DOCK2: variants seen among roughly 807,000 people sequenced by gnomAD.
DOCK2 encodes the protein dedicator of cytokinesis 2.
In DOCK2, 87 loss-of-function variants were observed where a neutral mutation model predicts 248.9. That is an observed-to-expected ratio of 0.35 (90% confidence interval 0.29 to 0.42). The LOEUF is 0.42. Ranked by LOEUF, DOCK2 falls within the 10% of genes least tolerant of loss-of-function variation. The pLI is 1.00. For synonymous variants in DOCK2, 805 were observed against 821.6 expected (o/e 0.98, Z 0.35); for missense variants, 1,747 against 2,300.2 (o/e 0.76, Z 4.92).
intron 30 of DOCK2, among the ~76,000 whole-genome samples, chr5:169,996,739 G>A (rs1754650111): frequency 6.6e-6 from 1 of 152,194 alleles, no homozygotes; most frequent in African/African-American, 2.4e-5. Flanking sequence ...GCCTGGAGAT[G>A]TGCGAGGGAA....
At chr5:169,774,849 A>G (rs1458855717) in intron 25 of DOCK2, among the ~76,000 whole-genome samples, 1 of 152,112 alleles carries the variant, frequency 6.6e-6, no homozygotes, top group African/African-American at 2.4e-5. Flanking sequence ...CCTCCCTAAA[A>G]CACAGTGCCA....
intron 25 of DOCK2, among the ~76,000 whole-genome samples, chr5:169,800,932 T>TTTTC (rs759411682): frequency 0.025 from 3,159 of 124,454 alleles, 204 homozygotes; most frequent in African/African-American, 0.055. Flanking sequence ...TTCTTTTTTC[T>TTTTC]TTTCTTTCTT....
At chr5:169,868,439 A>G (rs979934249) in intron 27 of DOCK2, among the ~76,000 whole-genome samples, 1 of 152,208 alleles carries the variant, frequency 6.6e-6, no homozygotes, top group Non-Finnish European at 1.5e-5. Context: ...GAGTTTGACA[A>G]GATTTACAAG....
At chr5:169,864,592 G>T in intron 27 of DOCK2, 1 of 706,234 alleles carries the variant, frequency 1.4e-6, no homozygotes, top group Non-Finnish European at 2.3e-6. Context: ...GTACCTACTG[G>T]CTCTTTGACC....
At chr5:169,791,912 C>T (rs1279314762) in intron 25 of DOCK2, among the ~76,000 whole-genome samples, 5 of 152,028 alleles carry the variant, frequency 3.3e-5, no homozygotes, top group Non-Finnish European at 7.4e-5. Flanking sequence ...AATTTCTGTC[C>T]CTTTAAAAAA....
Position 169,657,294 on chromosome 5 carries a change from G to GA in DOCK2, c.127+2817dup, listed in dbSNP as rs558197180. Among the ~76,000 whole-genome samples the GA allele has an allele frequency of 6.7e-5, 10 of 149,928 alleles. No homozygotes were observed. In the South Asian group the frequency reaches 8.4e-4, roughly 13 times the overall value. On this transcript the variant is annotated intron_variant, in intron 2 of 51. Coordinates refer to ENST00000520908, the MANE Select transcript of DOCK2 (RefSeq NM_004946.3). ...GGGTGTATGGTCTGTGATTCTGATT[G>GA]AAAAAAAAAGATTCCTCTAAAAATA...
At chr5:170,002,972 T>C (rs1754891492) in intron 30 of DOCK2, among the ~76,000 whole-genome samples, 1 of 152,318 alleles carries the variant, frequency 6.6e-6, no homozygotes. Context: ...TCTCTGACAA[T>C]ACGGCAATAG....
intron 27 of DOCK2, among the ~76,000 whole-genome samples, chr5:169,965,246 A>G (rs551001128): frequency 1.3e-5 from 2 of 152,342 alleles, no homozygotes; most frequent in African/African-American, 4.8e-5. Flanking sequence ...ACCCACCTGC[A>G]GATCTTAGAA....
intron 25 of DOCK2, 31 bp from the exon 26 acceptor site, chr5:169,803,027 T>G: frequency 6.2e-7 from 1 of 1,605,660 alleles, no homozygotes; most frequent in South Asian, 1.1e-5. Flanking sequence ...AATGAGGAAT[T>G]CTACACTACT....
rs1363674541 is a variant in DOCK2, at chr5:169,763,949, G to C, written c.2554+2324G>C. ...CTAAGTGAGCCCTGTTACCAAAATA[G>C]TCCCAAAGGGAAACTTCAGCTCATC... On this transcript the variant is annotated intron_variant, in intron 25 of 51. Transcript: ENST00000520908. The surrounding 1 kb of genome is among the most constrained non-coding windows in gnomAD (Gnocchi z 4.1). 6.6e-6 allele frequency among the ~76,000 whole-genome samples: 1 copy of C among 152,156 alleles called. No individual in the cohort carries two copies. The highest frequency in any genetic ancestry group is 1.5e-5 in the Non-Finnish European group (1 of 68,026).
chr5:169,970,414 G>T (rs1165977773), intron 27 of DOCK2, among the ~76,000 whole-genome samples: 2 of 152,230 alleles, frequency 1.3e-5, no homozygotes. Flanking sequence ...GCTGAAATAA[G>T]GCTGGGAAAG....
intron 1 of DOCK2, among the ~76,000 whole-genome samples, chr5:169,650,921 C>T (rs954523691): frequency 1.1e-4 from 17 of 152,102 alleles, no homozygotes; most frequent in African/African-American, 4.1e-4. Flanking sequence ...CGGGAATGGC[C>T]GAGGGCCTGA....
chr5:169,645,917 T>A (rs1757431831), intron 1 of DOCK2, among the ~76,000 whole-genome samples: 1 of 151,860 alleles, frequency 6.6e-6, no homozygotes, highest in Non-Finnish European at 1.5e-5. Context: ...GCCCGGCTAA[T>A]TTTTTGTATT....
chr5:169,933,151 C>G (rs3860755), intron 27 of DOCK2, among the ~76,000 whole-genome samples: 45,564 of 152,092 alleles, frequency 0.3, 6,645 homozygotes, highest in Middle Eastern at 0.37. Flanking sequence ...GGTGTAGAAA[C>G]TAAATAATTC....
chr5:169,964,277 C>T (rs1441524124), intron 27 of DOCK2, among the ~76,000 whole-genome samples: 3 of 152,146 alleles, frequency 2.0e-5, no homozygotes, highest in Admixed American at 2.0e-4. Context: ...TTGGGACTCC[C>T]GGACTCTGGC....
At chr5:169,955,831 G>A (rs556686927) in intron 27 of DOCK2, among the ~76,000 whole-genome samples, 9 of 152,288 alleles carry the variant, frequency 5.9e-5, no homozygotes, top group African/African-American at 1.9e-4. Context: ...AGGCTCCATC[G>A]ATTCAGTTCC....
chr5:169,712,786 A>C (rs1029564941), intron 17 of DOCK2, among the ~76,000 whole-genome samples: 2 of 152,236 alleles, frequency 1.3e-5, no homozygotes, highest in African/African-American at 4.8e-5. Flanking sequence ...AAGGGAGTGC[A>C]GATGTCCACT....
chr5:169,721,348 T>G (rs1366973933), intron 22 of DOCK2, among the ~76,000 whole-genome samples: 6 of 152,222 alleles, frequency 3.9e-5, no homozygotes, highest in Non-Finnish European at 8.8e-5. Context: ...TAGGCTGACC[T>G]GCAAAGACGG....
intron 27 of DOCK2, among the ~76,000 whole-genome samples, chr5:169,847,823 G>A (rs1770402162): frequency 6.6e-6 from 1 of 152,162 alleles, no homozygotes; most frequent in South Asian, 2.1e-4. Flanking sequence ...GTCTGTCATG[G>A]CATGAGATTG....
Sources: allele counts gnomAD v4.1 joint callset (sites outside exome capture counted in the v4.1 genomes callset), GRCh38; gene constraint gnomAD v4.1.1; non-coding constraint Gnocchi (gnomAD v3.1); transcripts MANE v1.5; gene names NCBI Gene and HGNC (gene_info 2026-07-23, HGNC 2026-07-21).